TAF12: variants seen among roughly 807,000 people sequenced by gnomAD.
The protein encoded by TAF12 is TATA-box binding protein associated factor 12.
Under a neutral mutation model 20.8 loss-of-function variants are expected in TAF12, and 3 were observed. The observed-to-expected ratio is 0.14, with a 90% CI of 0.07 to 0.37. The LOEUF (loss-of-function observed/expected upper bound fraction) is 0.37. TAF12 is among the 10% of genes least tolerant of loss of function. The pLI, the probability that TAF12 is intolerant of heterozygous loss-of-function variation, is 1.00. For missense variants in TAF12, 131 were observed against 197.9 expected (o/e 0.66, Z 2.03); for synonymous variants, 69 against 70.2 (o/e 0.98, Z 0.09).
At chr1:28,630,814 C>T (rs916771785) in intron 1 of TAF12, among the ~76,000 whole-genome samples, 6 of 150,538 alleles carry the variant, frequency 4.0e-5, no homozygotes, top group South Asian at 2.1e-4. Flanking sequence ...GGGAGGCCGA[C>T]GTGGGCAGAT....
chr1:28,631,988 C>T (rs969964658), intron 1 of TAF12, among the ~76,000 whole-genome samples: 1 of 152,142 alleles, frequency 6.6e-6, no homozygotes, highest in Non-Finnish European at 1.5e-5. Flanking sequence ...TAGGTACTTA[C>T]TGTAGAGAAA....
At chr1:28,635,601 G>C (rs971542669) in intron 1 of TAF12, among the ~76,000 whole-genome samples, 1 of 148,470 alleles carries the variant, frequency 6.7e-6, no homozygotes, top group African/African-American at 2.5e-5. Flanking sequence ...CACTGCACCC[G>C]GCCTATCCTC....
Position 28,626,612 on chromosome 1 carries a change from T to C in TAF12, c.-84-4447A>G, listed in dbSNP as rs1570320934. Among the ~76,000 whole-genome samples, 4 of 139,136 alleles carry C rather than the reference T, an allele frequency of 2.9e-5. No individual in the cohort carries two copies. In the Admixed American group the frequency reaches 2.9e-4, roughly 10 times the overall value. 91.3% of individuals were successfully genotyped at this position (139,136 alleles called of 152,430 possible). On this transcript the variant is annotated intron_variant, in intron 1 of 5. Coordinates refer to ENST00000373824, the MANE Select transcript of TAF12 (RefSeq NM_005644.4). ...AAAAAAAAAAAAAGCAAATAAATAA[T>C]GAAAAACTTTTTTAGGACGGTTGAT...
chr1:28,624,736 G>A (rs1000005309), intron 1 of TAF12, among the ~76,000 whole-genome samples: 2 of 150,458 alleles, frequency 1.3e-5, no homozygotes, highest in Admixed American at 6.7e-5. Context: ...AACAGAGCGA[G>A]ACTCTGTCTC....
chr1:28,613,353 C>A lies in TAF12; in HGVS notation c.255G>T (p.Leu85=), dbSNP rs752719479. Residue 85 remains leucine, a synonymous_variant, in exon 4 of 6, where the codon CTG becomes CTT. Transcript: ENST00000373824. ...TCTCGATAAAATCATCAGCAATCTG[C>A]AGCAGCATCTGGGGAAGGTAAAGTG... ...QLDEDVEEML[L]QIADDFIESV... The A allele has an allele frequency of 6.2e-7, 1 of 1,609,276 alleles. No homozygotes were observed. Among genetic ancestry groups the A allele is most frequent in the Non-Finnish European group, 8.5e-7 (1 of 1,178,124 alleles).
At chr1:28,633,282 T>G (rs560283093) in intron 1 of TAF12, among the ~76,000 whole-genome samples, 85 of 150,082 alleles carry the variant, frequency 5.7e-4, no homozygotes, top group African/African-American at 2.0e-3. Context: ...TTCTACTGCC[T>G]CAGCCTCCAG....
At chr1:28,628,530 G>A (rs1180997131) in intron 1 of TAF12, among the ~76,000 whole-genome samples, 3 of 151,872 alleles carry the variant, frequency 2.0e-5, no homozygotes. Flanking sequence ...TGGGTATACG[G>A]TTTCTTTTAC....
At chr1:28,615,106 AAAAT>A (rs1405460116) in intron 3 of TAF12, among the ~76,000 whole-genome samples, 1 of 152,108 alleles carries the variant, frequency 6.6e-6, no homozygotes, top group African/African-American at 2.4e-5. Flanking sequence ...CCTTGTCTCA[AAAAT>A]AAATAAATAA....
intron 5 of TAF12, among the ~76,000 whole-genome samples, chr1:28,604,432 C>T (rs902732750): frequency 6.6e-6 from 1 of 152,176 alleles, no homozygotes; most frequent in African/African-American, 2.4e-5. Flanking sequence ...CTATTACTAG[C>T]TACTAGCCAA....
At chr1:28,615,678 C>CAAAAAAAAAAAAAAAAAAAAAAA (rs57536422) in intron 3 of TAF12, among the ~76,000 whole-genome samples, 1 of 34,484 alleles carries the variant, frequency 2.9e-5, no homozygotes, top group African/African-American at 1.3e-4. Flanking sequence ...GACTCCGTCT[C>CAAAAAAAAAAAAAAAAAAAAAAA]AAAAAAAAAA....
upstream of TAF12, chr1:28,643,072 G>T (rs970648511): frequency 3.8e-5 from 37 of 985,902 alleles, no homozygotes; most frequent in Middle Eastern, 5.2e-4. Flanking sequence ...CCGACTGCGC[G>T]GCCCTCCCCG....
upstream of TAF12, chr1:28,643,125 C>A: frequency 2.0e-6 from 2 of 985,810 alleles, no homozygotes; most frequent in Non-Finnish European, 2.4e-6. Flanking sequence ...CGGAAACGCG[C>A]GGCTCTTCCG....
At chr1:28,629,867 T>C (rs544633673) in intron 1 of TAF12, among the ~76,000 whole-genome samples, 1 of 152,270 alleles carries the variant, frequency 6.6e-6, no homozygotes, top group South Asian at 2.1e-4. Flanking sequence ...CCTGAACTCT[T>C]TGCCTCTATC....
At chr1:28,639,701 A>G (rs1309131606) in intron 1 of TAF12, among the ~76,000 whole-genome samples, 1 of 152,192 alleles carries the variant, frequency 6.6e-6, no homozygotes, top group Admixed American at 6.6e-5. Context: ...TTGATCATTT[A>G]TATATAATAG....
rs765832102 is a variant in TAF12, at chr1:28,613,242, C to T, written c.361+5G>A. 2 of 1,604,608 alleles carry T rather than the reference C, an allele frequency of 1.2e-6. No homozygotes were observed. Among genetic ancestry groups the T allele is most frequent in the Admixed American group, 1.7e-5 (1 of 58,764 alleles). ...CATACTTCAGGGAGAAACAAGACCA[C>T]ATACCTAAATGCAGCTGGACATCTT... On this transcript the variant is annotated splice_donor_5th_base_variant and intron_variant, in intron 4 of 5. Coordinates refer to ENST00000373824, the MANE Select transcript of TAF12 (RefSeq NM_005644.4).
At position 28,639,101 on chromosome 1, in the gene TAF12, A is replaced by C. The variant is rs189610491; in HGVS notation, c.-85+3891T>G. 3.3e-3 allele frequency among the ~76,000 whole-genome samples: 494 copies of C among 150,972 alleles called. 2 individuals carry two copies. Among genetic ancestry groups the C allele is most frequent in the African/African-American group, 0.011 (472 of 41,106 alleles). On this transcript the variant is annotated intron_variant, in intron 1 of 5. Transcript: ENST00000373824. Reference sequence around the variant, plus strand: ...GCCTATTTTAATTTTTTAAGACAGAATCTTGCTCTATTGCCCAGGCTGGAG... The same window carrying C: ...GCCTATTTTAATTTTTTAAGACAGACTCTTGCTCTATTGCCCAGGCTGGAG...
intron 1 of TAF12, among the ~76,000 whole-genome samples, chr1:28,636,790 G>C: frequency 6.6e-6 from 1 of 151,604 alleles, no homozygotes; most frequent in East Asian, 1.9e-4. Context: ...GACAAAGCAA[G>C]ACCCTGTCTC....
chr1:28,642,893 G>A, intron 1 of TAF12, 99 bp downstream of exon 1: 1 of 986,042 alleles, frequency 1.0e-6, no homozygotes, highest in Non-Finnish European at 1.2e-6. Context: ...GCCCCGTCTC[G>A]TCCACAACCT....
intron 4 of TAF12, among the ~76,000 whole-genome samples, chr1:28,608,698 T>C (rs531062066): frequency 2.7e-4 from 41 of 151,544 alleles, no homozygotes; most frequent in South Asian, 2.3e-3. Context: ...GAGGTTGCAG[T>C]GAGCGGAGAT....
Sources: allele counts gnomAD v4.1 joint callset (sites outside exome capture counted in the v4.1 genomes callset), GRCh38; gene constraint gnomAD v4.1.1; transcripts MANE v1.5; gene names NCBI Gene and HGNC (gene_info 2026-07-23, HGNC 2026-07-21).